The following SPECC1L variants were observed in gnomAD, a reference collection of about 807,000 sequenced individuals.
SPECC1L encodes cytospin-A.
SPECC1L carries 40 observed loss-of-function variants against 116.8 expected under a neutral mutation model. The observed-to-expected ratio is 0.34, with a 90% CI of 0.27 to 0.45. The LOEUF (loss-of-function observed/expected upper bound fraction) is 0.45. Ranked by LOEUF, SPECC1L falls within the 20% of genes least tolerant of loss-of-function variation. The pLI is 1.00. For missense variants in SPECC1L, 1,110 were observed against 1,373.6 expected (o/e 0.81, Z 3.03); for synonymous variants, 504 against 500.6 (o/e 1.01, Z -0.09).
intron 13 of SPECC1L, among the ~76,000 whole-genome samples, chr22:24,367,438 A>AT (rs1024871651): frequency 1.4e-3 from 214 of 150,540 alleles, no homozygotes; most frequent in African/African-American, 4.5e-3. Flanking sequence ...TTTTTTTGCA[A>AT]TTTTTTTTTA....
intron 14 of SPECC1L, among the ~76,000 whole-genome samples, chr22:24,377,041 T>C (rs2041985132): frequency 1.3e-5 from 2 of 152,166 alleles, no homozygotes; most frequent in South Asian, 4.2e-4. Context: ...CAACCACTAA[T>C]CTACTTTCTG....
At chr22:24,398,717 T>C (rs2042413176) in intron 14 of SPECC1L, among the ~76,000 whole-genome samples, 1 of 152,120 alleles carries the variant, frequency 6.6e-6, no homozygotes, top group Admixed American at 6.5e-5. Flanking sequence ...GTCCTGAGGG[T>C]AAATTAAAGA....
At chr22:24,274,151 C>T (rs1196662540) in intron 1 of SPECC1L, among the ~76,000 whole-genome samples, 10 of 152,168 alleles carry the variant, frequency 6.6e-5, no homozygotes, top group African/African-American at 2.4e-4. Context: ...AGACTAGATG[C>T]GAGGTAAAGA....
At position 24,331,150 on chromosome 22, in the gene SPECC1L, C is replaced by T. The variant is rs984641962; in HGVS notation, c.2396+719C>T. ...AAATGACAGTTGTGACATGTGAGCT[C>T]CACACTGAGACTCCATCTAAGAGTA... On this transcript the variant is annotated intron_variant, in intron 8 of 16. Coordinates refer to ENST00000314328, the MANE Select transcript of SPECC1L (RefSeq NM_015330.6). Among the ~76,000 whole-genome samples, 5 of 152,136 alleles carry T rather than the reference C, an allele frequency of 3.3e-5. No individual in the cohort carries two copies. The East Asian group carries it at 5.8e-4, about 18-fold the overall frequency.
rs561848559 is a variant in SPECC1L at position 24,399,832 on chromosome 22, C to T, written c.3088-11756C>T. Among the ~76,000 whole-genome samples, 5 of 152,280 alleles carry T rather than the reference C, an allele frequency of 3.3e-5. No homozygotes were observed. The South Asian group carries it at 1.0e-3, about 32-fold the overall frequency. ...CATACCAGAGGTACTCAGTTTCAAG[C>T]TGACTGATACCCTGCCTCCTACCCT... On this transcript the variant is annotated intron_variant, in intron 14 of 16. Transcript: ENST00000314328.
At chr22:24,384,935 GC>G (rs1223742580) in intron 14 of SPECC1L, among the ~76,000 whole-genome samples, 3 of 151,792 alleles carry the variant, frequency 2.0e-5, no homozygotes, top group Admixed American at 6.6e-5. Flanking sequence ...AATTAGGTGG[GC>G]ACCTGTAGTC....
intron 11 of SPECC1L, among the ~76,000 whole-genome samples, chr22:24,351,941 A>C (rs1400357355): frequency 6.6e-6 from 1 of 151,980 alleles, no homozygotes; most frequent in African/African-American, 2.4e-5. Flanking sequence ...GTGAGCCGAG[A>C]TTGCGCCACT....
intron 12 of SPECC1L, among the ~76,000 whole-genome samples, chr22:24,365,011 G>A (rs1443926816): frequency 6.6e-6 from 1 of 151,936 alleles, no homozygotes; most frequent in African/African-American, 2.4e-5. Context: ...TTGTTTGTTT[G>A]TTTTTTGTTT....
At position 24,307,488 on chromosome 22, in the gene SPECC1L, T is replaced by A. The variant is rs941301513; in HGVS notation, c.153+5104T>A. On this transcript the variant is annotated intron_variant, in intron 3 of 16. Transcript: ENST00000314328. ...CTTCTCTCCCCTCCCCTCCACTTCA[T>A]AAAGGTATGATACCTTTAAAGGTAT... 2.6e-5 allele frequency among the ~76,000 whole-genome samples: 4 copies of A among 152,242 alleles called. No individual in the cohort carries two copies. In the South Asian group the frequency reaches 8.3e-4, roughly 32 times the overall value.
At chr22:24,332,743 C>G (rs2040963661) in intron 8 of SPECC1L, among the ~76,000 whole-genome samples, 1 of 151,354 alleles carries the variant, frequency 6.6e-6, no homozygotes, top group Admixed American at 6.6e-5. Flanking sequence ...AGTTATTTTT[C>G]ATAAAAATAT....
intron 11 of SPECC1L, among the ~76,000 whole-genome samples, chr22:24,359,464 AC>A (rs1447338299): frequency 1.3e-5 from 2 of 151,412 alleles, no homozygotes; most frequent in Non-Finnish European, 2.9e-5. Flanking sequence ...CACCTTTCTT[AC>A]CTCTGTATGT....
chr22:24,384,141 A>G (rs1040124878), intron 14 of SPECC1L, among the ~76,000 whole-genome samples: 1 of 152,110 alleles, frequency 6.6e-6, no homozygotes, highest in Non-Finnish European at 1.5e-5. Flanking sequence ...GGGACATAAT[A>G]GAAGGGTTAA....
At chr22:24,410,730 T>G (rs901687211) in intron 14 of SPECC1L, among the ~76,000 whole-genome samples, 1 of 152,198 alleles carries the variant, frequency 6.6e-6, no homozygotes, top group African/African-American at 2.4e-5. Flanking sequence ...TTGCTCTCCT[T>G]GGCTTCTCAC....
At chr22:24,412,438 C>CT in intron 15 of SPECC1L, 1 of 641,078 alleles carries the variant, frequency 1.6e-6, no homozygotes, top group Non-Finnish European at 2.8e-6. Context: ...TGGTGGGTCA[C>CT]TGCAGCAGGT....
chr22:24,350,228 C>G (rs1333336885), intron 11 of SPECC1L, among the ~76,000 whole-genome samples: 1 of 152,136 alleles, frequency 6.6e-6, no homozygotes, highest in East Asian at 1.9e-4. Flanking sequence ...ACACCCCTTT[C>G]TCTGCTTGCT....
chr22:24,327,101 A>C (rs2040836013), intron 6 of SPECC1L, among the ~76,000 whole-genome samples: 1 of 151,846 alleles, frequency 6.6e-6, no homozygotes, highest in Non-Finnish European at 1.5e-5. Context: ...AACATGGTGA[A>C]ACCCCGTCTG....
At position 24,301,703 on chromosome 22, in the gene SPECC1L, TAGTA is replaced by T. The variant is rs1479274938; in HGVS notation, c.-37-488_-37-485del. ...GTTGAAACATTGTAAAGTTTAAAAA[TAGTA>T]AGTCAGGGGTCATCTGTGTATTGTT... On this transcript the variant is annotated intron_variant, in intron 2 of 16. Coordinates refer to ENST00000314328, the MANE Select transcript of SPECC1L (RefSeq NM_015330.6). Among the ~76,000 whole-genome samples the T allele has an allele frequency of 7.2e-5, 11 of 152,294 alleles. No homozygotes were observed. In the East Asian group the frequency reaches 1.9e-3, roughly 27 times the overall value.
At chr22:24,332,743 C>T (rs2040963661) in intron 8 of SPECC1L, among the ~76,000 whole-genome samples, 2 of 151,352 alleles carry the variant, frequency 1.3e-5, no homozygotes, top group Non-Finnish European at 2.9e-5. Flanking sequence ...AGTTATTTTT[C>T]ATAAAAATAT....
At chr22:24,381,160 G>A (rs1285904982) in intron 14 of SPECC1L, among the ~76,000 whole-genome samples, 1 of 152,154 alleles carries the variant, frequency 6.6e-6, no homozygotes, top group African/African-American at 2.4e-5. Context: ...ATATCTAAGA[G>A]CTTGTGTTGC....
Sources: allele counts gnomAD v4.1 joint callset (sites outside exome capture counted in the v4.1 genomes callset), GRCh38; gene constraint gnomAD v4.1.1; transcripts MANE v1.5; gene names NCBI Gene and HGNC (gene_info 2026-07-23, HGNC 2026-07-21).